Variants in MED27 observed in about 807,000 individuals in gnomAD.
MED27 encodes the protein mediator of RNA polymerase II transcription subunit 27.
MED27 carries 30 observed loss-of-function variants against 38.2 expected under a neutral mutation model. The observed-to-expected ratio is 0.79, with a 90% CI of 0.59 to 1.07. The LOEUF is 1.07. Ranked by LOEUF, MED27 falls within the 50% of genes least tolerant of loss-of-function variation. The probability of loss-of-function intolerance (pLI) is 0.00; values close to 1 mark genes in which losing one functional copy is unlikely to be tolerated. For missense variants in MED27, 289 were observed against 397.5 expected (o/e 0.73, Z 2.32); for synonymous variants, 122 against 153.5 (o/e 0.79, Z 1.52).
intron 3 of MED27, among the ~76,000 whole-genome samples, chr9:131,954,692 C>T (rs1467176511): frequency 6.6e-6 from 1 of 152,180 alleles, no homozygotes; most frequent in East Asian, 1.9e-4. Flanking sequence ...GCCCTACTAC[C>T]TATTTCTCTC....
At chr9:132,011,465 C>G (rs1236993271) in intron 3 of MED27, among the ~76,000 whole-genome samples, 1 of 152,112 alleles carries the variant, frequency 6.6e-6, no homozygotes, top group Non-Finnish European at 1.5e-5. Flanking sequence ...GCATTTCTAG[C>G]CAACATCAAA....
At position 132,003,488 on chromosome 9, in the gene MED27, G is replaced by A. The variant is rs1832288205; in HGVS notation, c.479+10849C>T. Among the ~76,000 whole-genome samples the A allele has an allele frequency of 6.6e-6, 1 of 152,204 alleles. No individual in the cohort carries two copies. The highest frequency in any genetic ancestry group is 2.4e-5 in the African/African-American group (1 of 41,448). ...CAGAACCAGACACTAAGGGCCACAA[G>A]GGGCACGTGACAGTTGGGCCTGAAG... is the stretch of plus-strand genomic sequence containing the variant. On this transcript the variant is annotated intron_variant, in intron 3 of 7. Transcript: ENST00000292035. This position sits in a 1 kb window ranked among gnomAD's most constrained non-coding sequence, Gnocchi z 4.2.
At position 131,860,772 on chromosome 9, in the gene MED27, C is replaced by T. The variant is rs561740016; in HGVS notation, c.802-100G>A. On this transcript the variant is annotated intron_variant, in intron 7 of 7. Transcript: ENST00000292035. The surrounding 1 kb of genome is among the most constrained non-coding windows in gnomAD (Gnocchi z 5.8). ...TAATGGCCCAGACAACTTAAGTTGG[C>T]TTTGGCCCCAGAAGATGCCCTGTGA... is the stretch of plus-strand genomic sequence containing the variant. 1 of 1,400,144 alleles carries T rather than the reference C, an allele frequency of 7.1e-7. No individual in the cohort carries two copies. Among genetic ancestry groups the T allele is most frequent in the African/African-American group, 1.4e-5 (1 of 69,224 alleles). 86.7% of individuals were successfully genotyped at this position (1,400,144 alleles called of 1,614,324 possible). A position where few individuals can be genotyped will look rare whatever the true frequency, so the allele number is the denominator to read the frequency against.
chr9:132,067,813 G>C (rs928810271), intron 2 of MED27, among the ~76,000 whole-genome samples: 1 of 151,796 alleles, frequency 6.6e-6, no homozygotes, highest in Admixed American at 6.6e-5. Context: ...CCGGGTTCAC[G>C]CCATTCTCCT....
At chr9:132,017,490 T>C (rs1798538335) in intron 2 of MED27, among the ~76,000 whole-genome samples, 1 of 152,220 alleles carries the variant, frequency 6.6e-6, no homozygotes, top group Admixed American at 6.5e-5. Context: ...ATCAAAGTTC[T>C]ATTGTGATTT....
chr9:131,944,698 A>C (rs1830850938), intron 3 of MED27, among the ~76,000 whole-genome samples: 1 of 151,760 alleles, frequency 6.6e-6, no homozygotes, highest in Non-Finnish European at 1.5e-5. Flanking sequence ...TGCCAGGCTG[A>C]TTTTTGTATT....
intron 4 of MED27, among the ~76,000 whole-genome samples, chr9:131,908,225 G>T (rs7869322): frequency 7.3e-6 from 1 of 136,192 alleles, no homozygotes; most frequent in East Asian, 2.2e-4. Context: ...CCCTCTGCCC[G>T]GCCAGCCGCC....
At chr9:132,060,867 T>C (rs772343007) in intron 2 of MED27, among the ~76,000 whole-genome samples, 1 of 152,174 alleles carries the variant, frequency 6.6e-6, no homozygotes, top group African/African-American at 2.4e-5. Flanking sequence ...GAGAATCACT[T>C]GAACCCACAA....
At position 132,051,175 on chromosome 9, in the gene MED27, G is replaced by A. The variant is rs896120205; in HGVS notation, c.348+26267C>T. The stretch of plus-strand genomic sequence containing the variant: ...TAACATGTTCCCGATAACAGTTAAA[G>A]TACATGAGATTATCAATTATTTACT... On this transcript the variant is annotated intron_variant, in intron 2 of 7. Transcript: ENST00000292035. The surrounding 1 kb of genome is among the most constrained non-coding windows in gnomAD (Gnocchi z 4.2). Among the ~76,000 whole-genome samples the A allele has an allele frequency of 1.3e-5, 2 of 152,156 alleles. No individual in the cohort carries two copies. Among genetic ancestry groups the A allele is most frequent in the African/African-American group, 4.8e-5 (2 of 41,416 alleles).
At chr9:132,067,787 T>C (rs1305245437) in intron 2 of MED27, among the ~76,000 whole-genome samples, 2 of 151,836 alleles carry the variant, frequency 1.3e-5, no homozygotes, top group African/African-American at 4.8e-5. Flanking sequence ...TCTCGGCTCA[T>C]TGCAAGCCCC....
rs770113998 is a variant in MED27 at position 132,077,527 on chromosome 9, T to C, written c.263A>G (p.Asn88Ser). The C allele has an allele frequency of 3.1e-6, 5 of 1,614,008 alleles. No homozygotes were observed. The Admixed American group carries it at 8.3e-5, about 27-fold the overall frequency. Residue 88 changes from asparagine (N) to serine (S), a missense_variant, in exon 2 of 8, where the codon AAC (asparagine) becomes AGC (serine). Physicochemically the swap from Asn to Ser is conservative, Grantham distance 46 (BLOSUM62 1). Coordinates refer to ENST00000292035, the MANE Select transcript of MED27 (RefSeq NM_004269.4). ...AGGATCCAGGCTTAACAGCCCACTGTTATGAAGAGGATGGTTCTCAGATGG... is the reference window on the plus strand; with the variant it reads ...AGGATCCAGGCTTAACAGCCCACTGCTATGAAGAGGATGGTTCTCAGATGG... ...GKPSENHPLH[N>S]SGLLSLDPVQ...
intron 2 of MED27, among the ~76,000 whole-genome samples, chr9:132,030,259 C>T (rs936895711): frequency 6.6e-6 from 1 of 152,192 alleles, no homozygotes; most frequent in Non-Finnish European, 1.5e-5. Flanking sequence ...AAGGCCCTGA[C>T]CCAAGGGAGT....
chr9:132,052,120 G>A (rs1343141032), intron 2 of MED27, among the ~76,000 whole-genome samples: 1 of 152,230 alleles, frequency 6.6e-6, no homozygotes, highest in East Asian at 1.9e-4. Context: ...ACACAGAGAG[G>A]GAACACCAAG....
intron 4 of MED27, among the ~76,000 whole-genome samples, chr9:131,903,061 T>C (rs1829982235): frequency 6.8e-6 from 1 of 147,870 alleles, no homozygotes; most frequent in African/African-American, 2.6e-5. Context: ...ACCATGAGAG[T>C]GCTGGGTCAG....
At chr9:131,996,156 A>T (rs1355392465) in intron 3 of MED27, among the ~76,000 whole-genome samples, 1 of 152,210 alleles carries the variant, frequency 6.6e-6, no homozygotes, top group East Asian at 1.9e-4. Context: ...AAGAAGAGTC[A>T]CCATCTTGCC....
chr9:132,024,423 C>G lies in MED27; in HGVS notation c.349-9956G>C, dbSNP rs1369778422. Reference sequence around the variant, plus strand: ...CTGCAAACAGGCAAAAAGAGCTGTTCTTGTGATTTTCCCAAGTGCCATACC... The same window carrying G: ...CTGCAAACAGGCAAAAAGAGCTGTTGTTGTGATTTTCCCAAGTGCCATACC... On this transcript the variant is annotated intron_variant, in intron 2 of 7. Coordinates refer to ENST00000292035, the MANE Select transcript of MED27 (RefSeq NM_004269.4). Among the ~76,000 whole-genome samples, 3 of 152,320 alleles carry G rather than the reference C, an allele frequency of 2.0e-5. No individual in the cohort carries two copies. The South Asian group carries it at 6.2e-4, about 32-fold the overall frequency.
At position 132,022,650 on chromosome 9, in the gene MED27, C is replaced by A. The variant is rs141376817; in HGVS notation, c.349-8183G>T. On this transcript the variant is annotated intron_variant, in intron 2 of 7. Coordinates refer to ENST00000292035, the MANE Select transcript of MED27 (RefSeq NM_004269.4). ...GCTAGTGAGGGGTTGGTGTATTAGT[C>A]CATTTTCGCACTGCTGTAAAGATAC... Among the ~76,000 whole-genome samples the A allele has an allele frequency of 3.6e-3, 545 of 152,274 alleles. 3 individuals carry two copies. Among genetic ancestry groups the A allele is most frequent in the African/African-American group, 0.012 (514 of 41,542 alleles).
intron 3 of MED27, among the ~76,000 whole-genome samples, chr9:131,952,895 T>G (rs553015423): frequency 1.2e-4 from 18 of 152,324 alleles, no homozygotes; most frequent in African/African-American, 4.3e-4. Flanking sequence ...GTCCCTTTAT[T>G]AAAGTCTCCT....
At chr9:131,904,914 A>C (rs1226620428) in intron 4 of MED27, among the ~76,000 whole-genome samples, 1 of 152,206 alleles carries the variant, frequency 6.6e-6, no homozygotes, top group African/African-American at 2.4e-5. Flanking sequence ...TCACATTGTA[A>C]ATATAAAATT....
Sources: gnomAD v4.1 joint callset for allele counts (sites outside exome capture counted in the v4.1 genomes callset) on GRCh38, gnomAD v4.1.1 for gene constraint, Gnocchi (gnomAD v3.1) non-coding constraint, MANE v1.5 for transcripts, NCBI Gene and HGNC (gene_info 2026-07-23, HGNC 2026-07-21) for gene names.